The following ADAMTS15 variants were observed in gnomAD, a reference collection of about 807,000 sequenced individuals.
ADAMTS15 encodes the protein ADAM metallopeptidase with thrombospondin type 1 motif 15, also known as A disintegrin and metalloproteinase with thrombospondin motifs 15.
ADAMTS15 carries 35 observed loss-of-function variants against 79.1 expected under a neutral mutation model. The observed-to-expected ratio is 0.44, with a 90% CI of 0.34 to 0.59. The LOEUF (loss-of-function observed/expected upper bound fraction) is 0.59, where lower values mean the gene tolerates loss of function less well. ADAMTS15 is among the 20% of genes least tolerant of loss of function. The probability of loss-of-function intolerance (pLI) is 0.02; values close to 1 mark genes in which losing one functional copy is unlikely to be tolerated. For synonymous variants in ADAMTS15, 616 were observed against 567.3 expected (o/e 1.09, Z -1.22); for missense variants, 1,324 against 1,318.7 (o/e 1.00, Z -0.06).
rs1044496268 is a variant in ADAMTS15, at chr11:130,475,257, C to A, written c.*1436C>A. The stretch of plus-strand genomic sequence containing the variant: ...AAGAATCAATGACTGACCCAGGGGG[C>A]CTGGCAGCCACTAGTATGAACTGCT... On this transcript the variant is annotated 3_prime_UTR_variant, in exon 8 of 8. Coordinates refer to ENST00000299164, the MANE Select transcript of ADAMTS15 (RefSeq NM_139055.4). The A allele has an allele frequency of 6.6e-6, 1 of 152,256 alleles. No individual in the cohort carries two copies. Among genetic ancestry groups the A allele is most frequent in the East Asian group, 1.9e-4 (1 of 5,184 alleles). The allele number at this position is 152,256 out of a possible 1,614,324, so 9.4% of individuals were successfully genotyped here. A position where few individuals can be genotyped will look rare whatever the true frequency, so the allele number is the denominator to read the frequency against.
In ADAMTS15 at chr11:130,461,615, G is replaced by C; in HGVS notation, c.1084G>C (p.Glu362Gln). The C allele has an allele frequency of 6.2e-7, 1 of 1,614,120 alleles. No homozygotes were observed. The highest frequency in any genetic ancestry group is 8.5e-7 in the Non-Finnish European group (1 of 1,180,024). ...TCCATCAGCCTTCACCACTGCCCAC[G>C]AGCTGGGTAAGGCTGGATAAGCTCC... is the stretch of plus-strand genomic sequence containing the variant. ...GLPSAFTTAH[E>Q]LGHVFNMPHD... The change falls in exon 2 of 8, where the codon GAG (glutamate) becomes CAG (glutamine). Residue 362 changes from glutamate (E) to glutamine (Q), a missense_variant. Coordinates refer to ENST00000299164, the MANE Select transcript of ADAMTS15 (RefSeq NM_139055.4).
At chr11:130,453,807 T>C in intron 1 of ADAMTS15, among the ~76,000 whole-genome samples, 1 of 152,218 alleles carries the variant, frequency 6.6e-6, no homozygotes, top group East Asian at 1.9e-4. Flanking sequence ...TTTTCTTGAG[T>C]GAGCTTTGGT....
chr11:130,449,793 G>T lies in ADAMTS15; in HGVS notation c.820G>T (p.Asp274Tyr). 6.2e-7 allele frequency: 1 copy of T among 1,612,070 alleles called. No individual in the cohort carries two copies. Among genetic ancestry groups the T allele is most frequent in the Non-Finnish European group, 8.5e-7 (1 of 1,180,030 alleles). ...TGTGGTCAAGGTGCTGCTTCTTAGA[G>T]ATCGTGACTCCGGGCCCAAGGTCAC... Reference protein sequence around the residue: ...IVVVKVLLLRDRDSGPKVTGN... With the variant: ...IVVVKVLLLRYRDSGPKVTGN... Residue 274 changes from aspartate (D) to tyrosine (Y), a missense_variant, in exon 1 of 8, where the codon GAT (aspartate) becomes TAT (tyrosine). Transcript: ENST00000299164. This position sits in a 1 kb window ranked among gnomAD's most constrained non-coding sequence, Gnocchi z 7.8.
At chr11:130,457,430 A>G (rs1383865283) in intron 1 of ADAMTS15, among the ~76,000 whole-genome samples, 3 of 152,078 alleles carry the variant, frequency 2.0e-5, no homozygotes, top group African/African-American at 4.8e-5. Context: ...GTCAGATGTT[A>G]TCCTTGTTTA....
rs748948371 is a variant in ADAMTS15, at chr11:130,473,774, C to A, written c.2806C>A (p.His936Asn). The change falls in exon 8 of 8, where the codon CAC becomes AAC. Residue 936 changes from histidine to asparagine, a missense_variant. Coordinates refer to ENST00000299164, the MANE Select transcript of ADAMTS15 (RefSeq NM_139055.4). ...RLLARDQCNL[H>N]RKPQELDFCV... Reference sequence around the variant, plus strand: ...GCTGGCCCGGGACCAGTGCAACTTGCACCGCAAGCCCCAGGAGCTGGACTT... The same window carrying A: ...GCTGGCCCGGGACCAGTGCAACTTGAACCGCAAGCCCCAGGAGCTGGACTT... 6.3e-7 allele frequency: 1 copy of A among 1,598,928 alleles called. No homozygotes were observed. The highest frequency in any genetic ancestry group is 8.5e-7 in the Non-Finnish European group (1 of 1,179,714).
rs867149031 is a variant in ADAMTS15, at chr11:130,470,140, A to G, written c.1720+701A>G. ...GAATCATATATATATATACATATAT[A>G]TATATATATATGTGTATATATATAT... On this transcript the variant is annotated intron_variant, in intron 5 of 7. Coordinates refer to ENST00000299164, the MANE Select transcript of ADAMTS15 (RefSeq NM_139055.4). Among the ~76,000 whole-genome samples, 53 of 65,686 alleles carry G rather than the reference A, an allele frequency of 8.1e-4. 1 individual carries two copies. In the East Asian group the frequency reaches 0.01, roughly 13 times the overall value. 43.1% of individuals were successfully genotyped at this position (65,686 alleles called of 152,430 possible).
chr11:130,468,764 C>CAAAAA (rs34961681), intron 4 of ADAMTS15, among the ~76,000 whole-genome samples: 1 of 78,124 alleles, frequency 1.3e-5, no homozygotes, highest in Non-Finnish European at 2.3e-5. Context: ...GACTCCATCT[C>CAAAAA]AAAAAAAAAA....
intron 4 of ADAMTS15, among the ~76,000 whole-genome samples, chr11:130,467,597 A>AG (rs1938328676): frequency 6.6e-6 from 1 of 152,140 alleles, no homozygotes; most frequent in African/African-American, 2.4e-5. Flanking sequence ...AGGCACTGTG[A>AG]GGGACGGTCG....
chr11:130,461,982 C>A, intron 2 of ADAMTS15, 105 bp from the exon 3 acceptor site: 1 of 1,324,886 alleles, frequency 7.5e-7, no homozygotes. Flanking sequence ...CAATGACCAG[C>A]CTGAAAACCT....
Position 130,449,386 on chromosome 11 carries a change from C to G in ADAMTS15, c.413C>G (p.Pro138Arg), listed in dbSNP as rs778284055. The G allele has an allele frequency of 1.9e-5, 30 of 1,603,190 alleles. No individual in the cohort carries two copies. In the African/African-American group the frequency reaches 3.7e-4, roughly 20 times the overall value. The change falls in exon 1 of 8, where the codon CCG becomes CGG. Residue 138 changes from proline to arginine, a missense_variant. Pro to Arg is a moderately radical substitution (Grantham distance 103). Transcript: ENST00000299164. This position sits in a 1 kb window ranked among gnomAD's most constrained non-coding sequence, Gnocchi z 7.8. ...GYRGAEYVIS[P>R]LPNASAPAAQ... ...CGAGGCGCCGAGTATGTCATTAGCC[C>G]GCTGCCCAATGCTAGCGCGCCGGCG...
chr11:130,471,351 C>G lies in ADAMTS15; in HGVS notation c.2046C>G (p.Cys682Trp). 1 of 1,611,070 alleles carries G rather than the reference C, an allele frequency of 6.2e-7. No individual in the cohort carries two copies. Among genetic ancestry groups the G allele is most frequent in the Non-Finnish European group, 8.5e-7 (1 of 1,179,350 alleles). ...CGVCGGDNKS[C>W]KKVTGLFTKP... ...TGTGTGGGGGAGACAATAAGAGCTG[C>G]AAGAAGGTGACTGGACTCTTCACCA... Residue 682 changes from cysteine (C) to tryptophan (W), a missense_variant, in exon 7 of 8, where the codon TGC becomes TGG. Coordinates refer to ENST00000299164, the MANE Select transcript of ADAMTS15 (RefSeq NM_139055.4).
rs1421068935 is a variant in ADAMTS15 at position 130,473,436 on chromosome 11, A to G, written c.2468A>G (p.Asn823Ser). ...CCCCGGGGACCCTCTGTCTTGCACA[A>G]CAGCGTCCTCAGCCTCTCCAACCAG... is the stretch of plus-strand genomic sequence containing the variant. Reference protein sequence around the residue: ...KDPRGPSVLHNSVLSLSNQVE... With the variant: ...KDPRGPSVLHSSVLSLSNQVE... The change falls in exon 8 of 8, where the codon AAC becomes AGC. Residue 823 changes from asparagine to serine, a missense_variant. Transcript: ENST00000299164. 2 of 1,612,746 alleles carry G rather than the reference A, an allele frequency of 1.2e-6. No homozygotes were observed. Among genetic ancestry groups the G allele is most frequent in the South Asian group, 1.1e-5 (1 of 91,088 alleles).
At chr11:130,471,519 C>A in intron 7 of ADAMTS15, 136 bp downstream of exon 7, 2 of 899,322 alleles carry the variant, frequency 2.2e-6, no homozygotes, top group Non-Finnish European at 3.2e-6. Flanking sequence ...GCCACCCATA[C>A]CCTTCTAGGG....
At chr11:130,460,502 C>T (rs1938177506) in intron 1 of ADAMTS15, among the ~76,000 whole-genome samples, 1 of 152,116 alleles carries the variant, frequency 6.6e-6, no homozygotes, top group African/African-American at 2.4e-5. Flanking sequence ...GTCTTGAGCT[C>T]CTGACTTCAG....
rs1180526301 is a variant in ADAMTS15 at position 130,471,021 on chromosome 11, T to C, written c.1822T>C (p.Ser608Pro). The change falls in exon 6 of 8, where the codon TCC (serine) becomes CCC (proline). Residue 608 changes from serine (S) to proline (P), a missense_variant. Ser to Pro is a moderately conservative substitution (Grantham distance 74). Coordinates refer to ENST00000299164, the MANE Select transcript of ADAMTS15 (RefSeq NM_139055.4). The part of the protein sequence containing the change: ...TLAVAWVPKY[S>P]GVSPRDKCKL... ...CGCCGTGGCATGGGTGCCCAAGTAC[T>C]CCGGCGTGTCTCCCCGGGACAAGTG... 2 of 1,613,666 alleles carry C rather than the reference T, an allele frequency of 1.2e-6. No individual in the cohort carries two copies. The highest frequency in any genetic ancestry group is 1.7e-6 in the Non-Finnish European group (2 of 1,180,038).
Position 130,462,806 on chromosome 11 carries a change from G to A in ADAMTS15, c.1542+26G>A, listed in dbSNP as rs770139095. 3.9e-5 allele frequency: 60 copies of A among 1,557,950 alleles called. No individual in the cohort carries two copies. The East Asian group carries it at 7.3e-4, about 19-fold the overall frequency. On this transcript the variant is annotated intron_variant, in intron 4 of 7. Transcript: ENST00000299164. The surrounding 1 kb of genome is among the most constrained non-coding windows in gnomAD (Gnocchi z 4.3). ...GTGAGTGAGTGCTGGAGCTGCGCTC[G>A]GGGACTGCTGGGAGGAGGGATGGAG...
chr11:130,448,900 A>C lies in ADAMTS15; in HGVS notation c.-74A>C, dbSNP rs1937888217. 6.5e-6 allele frequency: 8 copies of C among 1,232,718 alleles called. No individual in the cohort carries two copies. Among genetic ancestry groups the C allele is most frequent in the South Asian group, 4.2e-5 (2 of 47,102 alleles). 76.4% of individuals were successfully genotyped at this position (1,232,718 alleles called of 1,614,324 possible). On this transcript the variant is annotated 5_prime_UTR_variant, in exon 1 of 8. Coordinates refer to ENST00000299164, the MANE Select transcript of ADAMTS15 (RefSeq NM_139055.4). ...TTGGCGGTTCCAGAGTGCGGGCTGC[A>C]CGGAGACCGCGGCAGCGGCCGGAGA...
chr11:130,458,030 T>C (rs1481914416), intron 1 of ADAMTS15, among the ~76,000 whole-genome samples: 1 of 152,102 alleles, frequency 6.6e-6, no homozygotes, highest in Non-Finnish European at 1.5e-5. Flanking sequence ...AAAGAACAGG[T>C]TGCTTCTGGC....
chr11:130,461,479 C>G lies in ADAMTS15; in HGVS notation c.958-10C>G, dbSNP rs1383775503. 1.2e-6 allele frequency: 2 copies of G among 1,613,920 alleles called. No individual in the cohort carries two copies. Among genetic ancestry groups the G allele is most frequent in the Non-Finnish European group, 1.7e-6 (2 of 1,180,028 alleles). ...TTCGGGCTGGCTTCTGCTTCTCCCC[C>G]ACCCGGCAGGACCTGTGTGGAGCCA... On this transcript the variant is annotated splice_polypyrimidine_tract_variant and intron_variant, in intron 1 of 7. Coordinates refer to ENST00000299164, the MANE Select transcript of ADAMTS15 (RefSeq NM_139055.4).
Sources: gnomAD v4.1 joint callset for allele counts (sites outside exome capture counted in the v4.1 genomes callset) on GRCh38, gnomAD v4.1.1 for gene constraint, Gnocchi (gnomAD v3.1) non-coding constraint, MANE v1.5 for transcripts, NCBI Gene and HGNC (gene_info 2026-07-23, HGNC 2026-07-21) for gene names.